Variants in FAF1 observed in about 807,000 individuals in gnomAD.
FAF1 encodes Fas associated factor 1.
A neutral mutation model predicts 92.5 loss-of-function variants in FAF1; 25 were observed. The ratio of observed to expected loss-of-function variants is 0.27; its 90% CI spans 0.20 to 0.38. FAF1 has a LOEUF of 0.38. Ranked by LOEUF, FAF1 falls within the 10% of genes least tolerant of loss-of-function variation. The pLI is 1.00. For synonymous variants in FAF1, 234 were observed against 273.2 expected, an observed-to-expected ratio of 0.86 and a Z score of 1.42; for missense variants, 636 against 793.3, an observed-to-expected ratio of 0.80 and a Z score of 2.38.
In FAF1 at chr1:50,439,700, A is replaced by G. The variant is rs1646151615; in HGVS notation, c.*1740T>C. 1 of 152,204 alleles carries G rather than the reference A, an allele frequency of 6.6e-6. No homozygotes were observed. Among genetic ancestry groups the G allele is most frequent in the Admixed American group, 6.5e-5 (1 of 15,278 alleles). The allele number at this position is 152,204 out of a possible 1,614,324, so 9.4% of individuals were successfully genotyped here. On this transcript the variant is annotated 3_prime_UTR_variant, in exon 19 of 19. Transcript: ENST00000396153. ...GCTACAGAACAAGGTCTACCTAGAAAAAAAAAGAGGTGGTGCCCTGGTGCA... is the reference window on the plus strand; with the variant it reads ...GCTACAGAACAAGGTCTACCTAGAAGAAAAAAGAGGTGGTGCCCTGGTGCA...
Position 50,909,033 on chromosome 1 carries a change from T to C in FAF1, c.45+50734A>G, listed in dbSNP as rs1254287363. On this transcript the variant is annotated intron_variant, in intron 1 of 18. Coordinates refer to ENST00000396153, the MANE Select transcript of FAF1 (RefSeq NM_007051.3). The stretch of plus-strand genomic sequence containing the variant: ...AGTATTGGTTGTTCCTTTCCACGTT[T>C]AGTGCTTCCTTCAGAAGCTCTTGTA... 2.0e-5 allele frequency among the ~76,000 whole-genome samples: 3 copies of C among 152,254 alleles called. No homozygotes were observed. In the East Asian group the frequency reaches 5.8e-4, roughly 29 times the overall value.
intron 17 of FAF1, among the ~76,000 whole-genome samples, chr1:50,482,163 C>A (rs556889878): frequency 6.6e-6 from 1 of 152,266 alleles, no homozygotes; most frequent in Admixed American, 6.5e-5. Flanking sequence ...AGCTCCTAAC[C>A]TCTAATCTTT....
intron 1 of FAF1, among the ~76,000 whole-genome samples, chr1:50,959,219 T>G (rs746354108): frequency 7.2e-5 from 11 of 152,194 alleles, no homozygotes; most frequent in Non-Finnish European, 1.6e-4. Context: ...CTTGTTATCT[T>G]CTTACCCTCC....
At chr1:50,783,664 AG>A (rs962013450) in intron 4 of FAF1, among the ~76,000 whole-genome samples, 42 of 152,178 alleles carry the variant, frequency 2.8e-4, no homozygotes, top group African/African-American at 1.0e-3. Context: ...ACTTGAGATC[AG>A]GAGTTTGAGA....
At chr1:50,528,387 G>C (rs1647956577) in intron 15 of FAF1, among the ~76,000 whole-genome samples, 1 of 152,166 alleles carries the variant, frequency 6.6e-6, no homozygotes, top group Admixed American at 6.5e-5. Flanking sequence ...ATTTAACAGA[G>C]AGGTAGATCA....
At chr1:50,873,812 T>C (rs1450278154) in intron 1 of FAF1, among the ~76,000 whole-genome samples, 1 of 152,190 alleles carries the variant, frequency 6.6e-6, no homozygotes, top group African/African-American at 2.4e-5. Flanking sequence ...AGTTGCTGTG[T>C]TTCACTGCTG....
chr1:50,900,336 ATT>A, intron 1 of FAF1, among the ~76,000 whole-genome samples: 1 of 152,258 alleles, frequency 6.6e-6, no homozygotes, highest in East Asian at 1.9e-4. Context: ...ATTGCTTTCA[ATT>A]TTGTTTCTCT....
At chr1:50,818,090 G>A (rs1359104298) in intron 2 of FAF1, among the ~76,000 whole-genome samples, 2 of 152,062 alleles carry the variant, frequency 1.3e-5, no homozygotes, top group Non-Finnish European at 2.9e-5. Context: ...AGTTACACAG[G>A]TGCACGTATC....
intron 4 of FAF1, among the ~76,000 whole-genome samples, chr1:50,760,857 T>C (rs977061840): frequency 1.3e-5 from 2 of 151,570 alleles, no homozygotes; most frequent in Admixed American, 6.6e-5. Context: ...CTGAAGGAAA[T>C]AGAGACACAA....
chr1:50,766,991 A>G (rs1470465132), intron 4 of FAF1, among the ~76,000 whole-genome samples: 1 of 152,116 alleles, frequency 6.6e-6, no homozygotes, highest in Non-Finnish European at 1.5e-5. Context: ...AATGACAGAA[A>G]CAGAATTCAG....
chr1:50,462,124 G>A (rs1003199859), intron 18 of FAF1: 1 of 149,712 alleles, frequency 6.7e-6, no homozygotes, highest in Non-Finnish European at 1.5e-5. Flanking sequence ...GTTGTGCCTG[G>A]TTTCTCCTGG....
chr1:50,919,881 AAAG>A (rs1281986723), intron 1 of FAF1, among the ~76,000 whole-genome samples: 22 of 152,310 alleles, frequency 1.4e-4, no homozygotes, highest in African/African-American at 5.3e-4. Flanking sequence ...GGGTGGGAAA[AAAG>A]AAATGTAAGA....
At chr1:50,549,832 G>T (rs965360040) in intron 13 of FAF1, among the ~76,000 whole-genome samples, 1 of 151,970 alleles carries the variant, frequency 6.6e-6, no homozygotes, top group African/African-American at 2.4e-5. Context: ...TATTGCCCAG[G>T]CTGATCACAA....
At chr1:50,724,314 C>CACAT (rs1658555214) in intron 6 of FAF1, among the ~76,000 whole-genome samples, 1 of 148,252 alleles carries the variant, frequency 6.7e-6, no homozygotes, top group African/African-American at 2.6e-5. Flanking sequence ...CACACACACA[C>CACAT]ACACACACAC....
chr1:50,817,979 G>A (rs1259484950), intron 2 of FAF1, among the ~76,000 whole-genome samples: 2 of 151,966 alleles, frequency 1.3e-5, no homozygotes, highest in Non-Finnish European at 2.9e-5. Context: ...GAAAACTCTA[G>A]AAAACAAAAA....
intron 4 of FAF1, among the ~76,000 whole-genome samples, chr1:50,753,305 T>C (rs1659941789): frequency 6.6e-6 from 1 of 152,242 alleles, no homozygotes; most frequent in Admixed American, 6.5e-5. Context: ...CAAAATGAAC[T>C]GAGATTTTTC....
chr1:50,566,944 G>C, intron 13 of FAF1, 133 bp downstream of exon 13: 1 of 582,526 alleles, frequency 1.7e-6, no homozygotes, highest in Admixed American at 3.2e-5. Context: ...GCTGCAACGA[G>C]CAGCTTTTGT....
chr1:50,556,499 A>G (rs1215816918), intron 13 of FAF1, among the ~76,000 whole-genome samples: 2 of 152,130 alleles, frequency 1.3e-5, no homozygotes, highest in African/African-American at 4.8e-5. Context: ...CAGTTCATCC[A>G]TGTAACTAAA....
chr1:50,747,836 G>A (rs772537637), intron 4 of FAF1, among the ~76,000 whole-genome samples: 4 of 152,166 alleles, frequency 2.6e-5, no homozygotes, highest in Non-Finnish European at 4.4e-5. Flanking sequence ...TACAGTTCTC[G>A]TGAGATCTGG....
Sources: gnomAD v4.1 joint callset for allele counts (sites outside exome capture counted in the v4.1 genomes callset) on GRCh38, gnomAD v4.1.1 for gene constraint, MANE v1.5 for transcripts, NCBI Gene and HGNC (gene_info 2026-07-23, HGNC 2026-07-21) for gene names.